OXCT1: variants seen among roughly 807,000 people sequenced by gnomAD.
The protein encoded by OXCT1 is 3-oxoacid CoA-transferase 1, also known as succinyl-CoA:3-ketoacid coenzyme A transferase 1, mitochondrial.
Under a neutral mutation model 69.6 loss-of-function variants are expected in OXCT1, and 27 were observed. The ratio of observed to expected loss-of-function variants is 0.39; its 90% CI spans 0.29 to 0.54. The LOEUF is 0.54. Among genes scored for constraint, OXCT1 ranks in the 20% least tolerant of loss-of-function variants. OXCT1 has a pLI of 0.72. For missense variants in OXCT1, 437 were observed against 650.2 expected (o/e 0.67, Z 3.57); for synonymous variants, 202 against 217.8 (o/e 0.93, Z 0.64).
chr5:41,864,977 C>T (rs894320965), intron 1 of OXCT1, among the ~76,000 whole-genome samples: 1 of 152,116 alleles, frequency 6.6e-6, no homozygotes, highest in African/African-American at 2.4e-5. Context: ...TTTCAATATG[C>T]TGAGAAACAC....
At position 41,776,582 on chromosome 5, in the gene OXCT1, A is replaced by G. The variant is rs543849619; in HGVS notation, c.1249-14382T>C. On this transcript the variant is annotated intron_variant, in intron 13 of 16. Transcript: ENST00000196371. ...CTTTGCAAAATCTGACTCAGAAAAC[A>G]AGTGAATTTGAGAAAGTCAAATGAA... 2.0e-5 allele frequency among the ~76,000 whole-genome samples: 3 copies of G among 152,360 alleles called. No homozygotes were observed. The South Asian group carries it at 6.2e-4, about 32-fold the overall frequency.
chr5:41,819,514 G>C (rs1287411497), intron 7 of OXCT1, among the ~76,000 whole-genome samples: 1 of 152,066 alleles, frequency 6.6e-6, no homozygotes, highest in African/African-American at 2.4e-5. Context: ...GGGATTACAG[G>C]CATGCGCCAC....
chr5:41,828,895 T>G (rs1747950778), intron 7 of OXCT1, among the ~76,000 whole-genome samples: 3 of 152,182 alleles, frequency 2.0e-5, no homozygotes, highest in African/African-American at 7.2e-5. Context: ...GTTACATACT[T>G]TTTTAAAAAA....
chr5:41,766,798 G>A (rs1744625829), intron 13 of OXCT1, among the ~76,000 whole-genome samples: 1 of 152,012 alleles, frequency 6.6e-6, no homozygotes, highest in African/African-American at 2.4e-5. Flanking sequence ...AAATATTCTG[G>A]TCTTAAGTGA....
At chr5:41,795,645 T>C (rs1420043378) in intron 11 of OXCT1, among the ~76,000 whole-genome samples, 1 of 152,146 alleles carries the variant, frequency 6.6e-6, no homozygotes, top group African/African-American at 2.4e-5. Flanking sequence ...TCTGAGATGC[T>C]AATGTACAGC....
In OXCT1 at chr5:41,850,104, G is replaced by C. The variant is rs781073019; in HGVS notation, c.490C>G (p.Leu164Val). The C allele has an allele frequency of 6.2e-7, 1 of 1,613,900 alleles. No individual in the cohort carries two copies. Among genetic ancestry groups the C allele is most frequent in the South Asian group, 1.1e-5 (1 of 91,068 alleles). The change falls in exon 5 of 17, where the codon CTG becomes GTG. Residue 164 changes from leucine (L) to valine (V), a missense_variant. Around this residue, in one of 4 missense-constraint regions of OXCT1, gnomAD observed 252 missense variants for 397.4 expected, o/e 0.63. Coordinates refer to ENST00000196371, the MANE Select transcript of OXCT1 (RefSeq NM_000436.4). ...ATGGGCGATCCTCCTTCTTGTACCA[G>C]GGTCCCATACCCTGTTGGGGTGTAA... The part of the protein sequence containing the change: ...AFYTPTGYGT[L>V]VQEGGSPIKY...
chr5:41,854,575 T>C lies in OXCT1; in HGVS notation c.279-1021A>G, dbSNP rs1346623099. Among the ~76,000 whole-genome samples, 13 of 152,320 alleles carry C rather than the reference T, an allele frequency of 8.5e-5. No homozygotes were observed. In the East Asian group the frequency reaches 2.5e-3, roughly 29 times the overall value. On this transcript the variant is annotated intron_variant, in intron 3 of 16. Transcript: ENST00000196371. Reference sequence around the variant, plus strand: ...TAAGAATACTTGACCTTAAGCTTTTTTTAATGGTGAAATTTTTTAATGACA... The same window carrying C: ...TAAGAATACTTGACCTTAAGCTTTTCTTAATGGTGAAATTTTTTAATGACA...
chr5:41,734,933 T>A (rs1742812326), intron 16 of OXCT1, among the ~76,000 whole-genome samples: 1 of 152,156 alleles, frequency 6.6e-6, no homozygotes, highest in African/African-American at 2.4e-5. Context: ...ATGGCCACTA[T>A]TAAACAGAAG....
chr5:41,838,539 T>G (rs1748481097), intron 7 of OXCT1, among the ~76,000 whole-genome samples: 1 of 152,216 alleles, frequency 6.6e-6, no homozygotes, highest in Non-Finnish European at 1.5e-5. Flanking sequence ...AATGTTTACT[T>G]GTGCTAATCA....
intron 14 of OXCT1, among the ~76,000 whole-genome samples, chr5:41,753,493 C>G (rs1017893128): frequency 6.6e-6 from 1 of 152,088 alleles, no homozygotes; most frequent in Non-Finnish European, 1.5e-5. Flanking sequence ...CACATACCAC[C>G]ACATACCTCA....
intron 16 of OXCT1, among the ~76,000 whole-genome samples, chr5:41,735,678 G>A (rs1000988690): frequency 2.6e-5 from 4 of 152,168 alleles, no homozygotes; most frequent in African/African-American, 9.7e-5. Flanking sequence ...AATAGCGCTG[G>A]GGACAGGGGA....
At chr5:41,794,143 C>A (rs892289090) in intron 12 of OXCT1, 65 bp from the exon 13 acceptor site, 1 of 1,199,476 alleles carries the variant, frequency 8.3e-7, no homozygotes, top group African/African-American at 1.5e-5. Context: ...CTTGAACTTG[C>A]CAGCAATTAG....
At chr5:41,830,361 A>G (rs1368525239) in intron 7 of OXCT1, among the ~76,000 whole-genome samples, 1 of 152,202 alleles carries the variant, frequency 6.6e-6, no homozygotes, top group Non-Finnish European at 1.5e-5. Flanking sequence ...TTTCTCTTAA[A>G]AGAACTTGTG....
chr5:41,827,600 A>T (rs1323555719), intron 7 of OXCT1, among the ~76,000 whole-genome samples: 1 of 152,222 alleles, frequency 6.6e-6, no homozygotes, highest in Non-Finnish European at 1.5e-5. Context: ...AGTTAAATGA[A>T]TCTAGCTAAA....
At chr5:41,774,541 G>C (rs376872416) in intron 13 of OXCT1, among the ~76,000 whole-genome samples, 1 of 152,148 alleles carries the variant, frequency 6.6e-6, no homozygotes, top group Non-Finnish European at 1.5e-5. Flanking sequence ...GACAACAAAG[G>C]GGTAGACCAG....
chr5:41,854,722 C>T (rs1186741775), intron 3 of OXCT1, among the ~76,000 whole-genome samples: 1 of 151,298 alleles, frequency 6.6e-6, no homozygotes, highest in South Asian at 2.1e-4. Flanking sequence ...CTTTTAATGG[C>T]AAAAAGTATG....
At chr5:41,758,683 C>T (rs1456506911) in intron 14 of OXCT1, among the ~76,000 whole-genome samples, 3 of 152,150 alleles carry the variant, frequency 2.0e-5, no homozygotes, top group Non-Finnish European at 2.9e-5. Context: ...TCTATGGATA[C>T]AAGTGGTGGA....
intron 7 of OXCT1, among the ~76,000 whole-genome samples, chr5:41,809,559 C>T (rs1338790332): frequency 6.6e-6 from 1 of 151,890 alleles, no homozygotes; most frequent in Admixed American, 6.6e-5. Context: ...AAGGTCAGGC[C>T]CTCAAATCTC....
rs1750229851 is a variant in OXCT1 at position 41,870,295 on chromosome 5, C to A, written c.64G>T (p.Ala22Ser). Residue 22 changes from alanine (A) to serine (S), a missense_variant, in exon 1 of 17, where the codon GCA becomes TCA. Ala to Ser is a moderately conservative substitution (Grantham distance 99). Coordinates refer to ENST00000196371, the MANE Select transcript of OXCT1 (RefSeq NM_000436.4). The surrounding 1 kb of genome is among the most constrained non-coding windows in gnomAD (Gnocchi z 4.2). ...CCGCACTTTACCTTGTACCAGGTTGCCCCAGATCCGCGGGCAGAGGCGCAG... is the reference window on the plus strand; with the variant it reads ...CCGCACTTTACCTTGTACCAGGTTGACCCAGATCCGCGGGCAGAGGCGCAG... The part of the protein sequence containing the change: ...RLCASARGSG[A>S]TWYKGCVCSF... The A allele has an allele frequency of 1.2e-6, 2 of 1,613,556 alleles. No individual in the cohort carries two copies. The highest frequency in any genetic ancestry group is 3.3e-5 in the Admixed American group (2 of 60,008).
Sources: gnomAD v4.1 joint callset for allele counts (sites outside exome capture counted in the v4.1 genomes callset) on GRCh38, gnomAD v4.1.1 for gene constraint, gnomAD v4.1.1 regional missense constraint, Gnocchi (gnomAD v3.1) non-coding constraint, MANE v1.5 for transcripts, NCBI Gene and HGNC (gene_info 2026-07-23, HGNC 2026-07-21) for gene names.